The following CFAP47 variants were observed in gnomAD, a reference collection of about 807,000 sequenced individuals.
CFAP47 encodes the protein cilia and flagella associated protein 47, also known as cilia- and flagella-associated protein 47.
Under a neutral mutation model 148.1 loss-of-function variants are expected in CFAP47, and 29 were observed. That is an observed-to-expected ratio of 0.20 (90% CI 0.15 to 0.27). CFAP47 has a LOEUF of 0.27. Among genes scored for constraint, CFAP47 ranks in the 10% least tolerant of loss-of-function variants. The pLI is 1.00. For synonymous variants in CFAP47, 664 were observed against 577.3 expected (o/e 1.15, Z -2.15); for missense variants, 1,872 against 1,697.5 (o/e 1.10, Z -1.81).
chrX:36,090,833 C>A (rs1938171643), intron 30 of CFAP47, among the ~76,000 whole-genome samples: 1 of 111,308 alleles, frequency 9.0e-6, no homozygotes, highest in South Asian at 3.7e-4. Context: ...CATAAATGAG[C>A]AACTTATGTT....
At chrX:36,027,697 T>C (rs1327371305) in intron 22 of CFAP47, among the ~76,000 whole-genome samples, 1 of 111,517 alleles carries the variant, frequency 9.0e-6, no homozygotes, top group Non-Finnish European at 1.9e-5. Context: ...CTAGATCAAA[T>C]GGTAGTGCAA....
intron 57 of CFAP47, among the ~76,000 whole-genome samples, chrX:36,325,600 A>C (rs1384288849): frequency 9.0e-6 from 1 of 111,324 alleles, no homozygotes; most frequent in Non-Finnish European, 1.9e-5. Context: ...AGGGAAGAGG[A>C]TGAAGCAGGA....
At chrX:36,332,301 CTT>C (rs11348976) in intron 57 of CFAP47, among the ~76,000 whole-genome samples, 5 of 107,824 alleles carry the variant, frequency 4.6e-5, no homozygotes, top group African/African-American at 1.3e-4. Context: ...CTAAAATTAT[CTT>C]TTTTTTTCTT....
At chrX:35,924,104 T>C (rs768523033) in intron 1 of CFAP47, among the ~76,000 whole-genome samples, 121 of 101,367 alleles carry the variant, frequency 1.2e-3, no homozygotes, top group African/African-American at 4.4e-3. Context: ...CATATATGTA[T>C]ATATGTACAT....
intron 2 of CFAP47, among the ~76,000 whole-genome samples, chrX:35,938,871 G>A (rs192369623): frequency 8.9e-6 from 1 of 111,824 alleles, no homozygotes; most frequent in East Asian, 2.8e-4. Context: ...ACACATTTAT[G>A]TAAATGGATT....
intron 29 of CFAP47, among the ~76,000 whole-genome samples, chrX:36,079,062 A>T (rs758962568): frequency 9.0e-6 from 1 of 111,683 alleles, no homozygotes; most frequent in African/African-American, 3.3e-5. Context: ...AGTCTGATGG[A>T]CTTCCCTTTG....
intron 30 of CFAP47, among the ~76,000 whole-genome samples, chrX:36,087,643 G>T (rs1179386335): frequency 8.9e-6 from 1 of 111,805 alleles, no homozygotes; most frequent in Non-Finnish European, 1.9e-5. Flanking sequence ...CTGGGAGCAT[G>T]GAATGGGGCC....
chrX:36,090,421 G>A lies in CFAP47; in HGVS notation c.4916+4883G>A, dbSNP rs191294992. Among the ~76,000 whole-genome samples the A allele has an allele frequency of 2.5e-3, 274 of 111,809 alleles. 2 individuals carry two copies. Among genetic ancestry groups the A allele is most frequent in the Non-Finnish European group, 6.8e-4 (36 of 53,131 alleles). ...TTGTGACAGCATCATTAAACCTATG[G>A]AACTTGCAATCGTTGTGTTATTCTT... is the stretch of plus-strand genomic sequence containing the variant. On this transcript the variant is annotated intron_variant, in intron 30 of 63. Transcript: ENST00000378653.
At chrX:35,940,300 T>C (rs1298845739) in intron 2 of CFAP47, among the ~76,000 whole-genome samples, 2 of 111,368 alleles carry the variant, frequency 1.8e-5, no homozygotes, top group Admixed American at 1.9e-4. Context: ...TTGAGTTTAA[T>C]TAGATCCCAT....
chrX:35,968,263 A>C (rs773040897), intron 10 of CFAP47, among the ~76,000 whole-genome samples: 17 of 110,860 alleles, frequency 1.5e-4, no homozygotes, highest in Admixed American at 1.2e-3. Flanking sequence ...CATCATCATC[A>C]TCCTCCTCAT....
At chrX:36,255,771 A>G (rs1365122976) in intron 49 of CFAP47, among the ~76,000 whole-genome samples, 3 of 111,999 alleles carry the variant, frequency 2.7e-5, no homozygotes, top group Non-Finnish European at 5.6e-5. Flanking sequence ...AACTCTAAGC[A>G]AAGTGAAACC....
chrX:36,260,016 C>T (rs1032260730), intron 49 of CFAP47, among the ~76,000 whole-genome samples: 7 of 111,323 alleles, frequency 6.3e-5, no homozygotes, highest in Admixed American at 1.9e-4. Context: ...CCTCCAGATG[C>T]ATCCATGTTG....
At chrX:36,181,914 TG>T (rs1939754597) in intron 40 of CFAP47, among the ~76,000 whole-genome samples, 2 of 112,606 alleles carry the variant, frequency 1.8e-5, no homozygotes, top group African/African-American at 6.4e-5. Flanking sequence ...CATGAGATGA[TG>T]GCTGAGGCCC....
chrX:36,092,725 G>A (rs769959502), intron 30 of CFAP47, among the ~76,000 whole-genome samples: 8 of 109,498 alleles, frequency 7.3e-5, no homozygotes, highest in South Asian at 7.8e-4. Flanking sequence ...GGAAGATAGG[G>A]TATTAATCCC....
At chrX:35,986,529 G>C (rs1442620322) in intron 15 of CFAP47, among the ~76,000 whole-genome samples, 1 of 109,285 alleles carries the variant, frequency 9.2e-6, no homozygotes, top group African/African-American at 3.3e-5. Context: ...AAGGTTCTTA[G>C]CTTCCTTGCA....
chrX:36,270,322 C>T (rs1381715990), intron 49 of CFAP47, among the ~76,000 whole-genome samples: 1 of 110,774 alleles, frequency 9.0e-6, no homozygotes, highest in Non-Finnish European at 1.9e-5. Flanking sequence ...CTTGACCATA[C>T]TTAATAGGGT....
chrX:36,359,200 A>T lies in CFAP47; in HGVS notation c.8852-2130A>T, dbSNP rs7053398. Among the ~76,000 whole-genome samples, 251 of 112,214 alleles carry T rather than the reference A, an allele frequency of 2.2e-3. 1 individual carries two copies. Among genetic ancestry groups the T allele is most frequent in the African/African-American group, 7.8e-3 (242 of 30,927 alleles). Reference sequence around the variant, plus strand: ...GTGGAAACAAAATTATTTGCCCCTTATTCATGAATTTAGCCATAGCTATAA... The same window carrying T: ...GTGGAAACAAAATTATTTGCCCCTTTTTCATGAATTTAGCCATAGCTATAA... On this transcript the variant is annotated intron_variant, in intron 60 of 63. Coordinates refer to ENST00000378653, the MANE Select transcript of CFAP47 (RefSeq NM_001304548.2).
rs782394944 is a variant in CFAP47, at chrX:36,248,523, C to G, written c.7333-2810C>G. On this transcript the variant is annotated intron_variant, in intron 48 of 63. Transcript: ENST00000378653. ...ACACACACACACACACACACACACA[C>G]AACAACAGAGCCTGAAAAGACATGA... Among the ~76,000 whole-genome samples, 37 of 105,395 alleles carry G rather than the reference C, an allele frequency of 3.5e-4. 2 individuals are homozygous for G. The East Asian group carries it at 9.6e-3, about 27-fold the overall frequency. 91.5% of individuals were successfully genotyped at this position (105,395 alleles called of 115,157 possible).
chrX:36,338,857 G>C (rs1198546913), intron 57 of CFAP47, among the ~76,000 whole-genome samples: 1 of 111,736 alleles, frequency 8.9e-6, no homozygotes, highest in African/African-American at 3.3e-5. Flanking sequence ...CTCTGCTCAA[G>C]TGACACCTTA....
Sources: allele counts gnomAD v4.1 joint callset (sites outside exome capture counted in the v4.1 genomes callset), GRCh38; gene constraint gnomAD v4.1.1; transcripts MANE v1.5; gene names NCBI Gene and HGNC (gene_info 2026-07-23, HGNC 2026-07-21).